Variants in ACYP2 observed in about 807,000 individuals in gnomAD.
The protein encoded by ACYP2 is acylphosphatase 2.
A neutral mutation model predicts 11.2 loss-of-function variants in ACYP2; 12 were observed. The observed-to-expected ratio is 1.08, with a 90% CI of 0.69 to 1.74. The LOEUF (loss-of-function observed/expected upper bound fraction) is 1.74, where lower values mean the gene tolerates loss of function less well. ACYP2 is among the 40% of genes most tolerant of loss of function. The pLI, the probability that ACYP2 is intolerant of heterozygous loss-of-function variation, is 0.00. For missense variants in ACYP2, 134 were observed against 101.9 expected (o/e 1.31, Z -1.35); for synonymous variants, 43 against 32.2 (o/e 1.33, Z -1.13).
chr2:54,141,371 C>T (rs1216785636), intron 6 of ACYP2, among the ~76,000 whole-genome samples: 1 of 152,046 alleles, frequency 6.6e-6, no homozygotes, highest in East Asian at 1.9e-4. Context: ...CCCAGGTTTT[C>T]TTCTAACTTG....
intron 4 of ACYP2, among the ~76,000 whole-genome samples, chr2:54,098,934 C>T (rs1236092213): frequency 6.6e-6 from 1 of 152,006 alleles, no homozygotes; most frequent in East Asian, 1.9e-4. Context: ...TGCTATGTTG[C>T]CCAGGCTTGG....
intron 6 of ACYP2, among the ~76,000 whole-genome samples, chr2:54,248,180 G>C (rs1430031277): frequency 6.6e-6 from 1 of 152,168 alleles, no homozygotes; most frequent in Non-Finnish European, 1.5e-5. Context: ...TACTTAGAAG[G>C]ATTTGACTGA....
intron 6 of ACYP2, among the ~76,000 whole-genome samples, chr2:54,235,778 T>C (rs1003158465): frequency 6.6e-6 from 1 of 152,190 alleles, no homozygotes; most frequent in Non-Finnish European, 1.5e-5. Context: ...ACTTTTTAAT[T>C]GACTGTATGC....
chr2:53,978,240 T>A lies in ACYP2; in HGVS notation c.62+4430T>A, dbSNP rs1017373091. Among the ~76,000 whole-genome samples, 12 of 147,712 alleles carry A rather than the reference T, an allele frequency of 8.1e-5. 1 individual carries two copies. The highest frequency in any genetic ancestry group is 3.0e-4 in the African/African-American group (12 of 39,964). On this transcript the variant is annotated intron_variant, in intron 2 of 6. Coordinates refer to ENST00000607452, the MANE Select transcript of ACYP2 (RefSeq NM_001320586.2). ...TCGTGCCACTGCACTCCAGCCTGGGTGACAGAGTGAGACTCCATCTCAAAA... is the reference window on the plus strand; with the variant it reads ...TCGTGCCACTGCACTCCAGCCTGGGAGACAGAGTGAGACTCCATCTCAAAA...
chr2:53,980,297 G>T (rs537097771), intron 2 of ACYP2, among the ~76,000 whole-genome samples: 1 of 152,080 alleles, frequency 6.6e-6, no homozygotes, highest in East Asian at 1.9e-4. Context: ...AAGCTGTAGT[G>T]AGCCAGGATC....
At chr2:54,125,012 C>T (rs964303488) in intron 4 of ACYP2, among the ~76,000 whole-genome samples, 2 of 152,110 alleles carry the variant, frequency 1.3e-5, no homozygotes, top group African/African-American at 4.8e-5. Flanking sequence ...CTTGTCTTCC[C>T]AAAGTGCTGG....
At chr2:54,071,584 G>C (rs781099732) in intron 4 of ACYP2, among the ~76,000 whole-genome samples, 22 of 152,114 alleles carry the variant, frequency 1.4e-4, no homozygotes, top group South Asian at 6.2e-4. Flanking sequence ...TGCCACCTCG[G>C]CCTTCTGAGT....
At position 54,194,850 on chromosome 2, in the gene ACYP2, G is replaced by T. The variant is rs537529533; in HGVS notation, c.404+56102G>T. Among the ~76,000 whole-genome samples the T allele has an allele frequency of 3.2e-4, 48 of 152,190 alleles. 1 individual carries two copies. The South Asian group carries it at 9.5e-3, about 30-fold the overall frequency. ...TCTTACAATGCTATCCACATAGTAGGCTGTCACTTGACTGTATATTACTAG... is the reference window on the plus strand; with the variant it reads ...TCTTACAATGCTATCCACATAGTAGTCTGTCACTTGACTGTATATTACTAG... On this transcript the variant is annotated intron_variant, in intron 6 of 6. Transcript: ENST00000607452.
intron 6 of ACYP2, among the ~76,000 whole-genome samples, chr2:54,265,928 C>T (rs919697527): frequency 2.6e-5 from 4 of 152,124 alleles, no homozygotes; most frequent in African/African-American, 7.2e-5. Context: ...ACTCAGCATC[C>T]TGAAAATAGA....
At chr2:54,199,530 T>C (rs573240320) in intron 6 of ACYP2, among the ~76,000 whole-genome samples, 4 of 152,182 alleles carry the variant, frequency 2.6e-5, no homozygotes, top group Non-Finnish European at 5.9e-5. Context: ...GAGACTTGGC[T>C]GGTACAAGTG....
At chr2:54,230,776 C>G (rs1485290380) in intron 6 of ACYP2, among the ~76,000 whole-genome samples, 2 of 151,798 alleles carry the variant, frequency 1.3e-5, no homozygotes, top group Non-Finnish European at 2.9e-5. Flanking sequence ...CCTGGAAGCC[C>G]CGCTTTGAGT....
chr2:53,983,686 C>T (rs1220250640), intron 2 of ACYP2, among the ~76,000 whole-genome samples: 2 of 151,984 alleles, frequency 1.3e-5, no homozygotes, highest in Non-Finnish European at 1.5e-5. Flanking sequence ...GGATTTTTTC[C>T]GAAAAGCTGC....
chr2:54,238,013 A>C (rs1294262714), intron 6 of ACYP2, among the ~76,000 whole-genome samples: 1 of 152,104 alleles, frequency 6.6e-6, no homozygotes, highest in Non-Finnish European at 1.5e-5. Flanking sequence ...AGATTTTTAA[A>C]AATATTGCTT....
intron 6 of ACYP2, among the ~76,000 whole-genome samples, chr2:54,201,588 TTCTTTC>T (rs1358964336): frequency 1.1e-5 from 1 of 90,058 alleles, no homozygotes; most frequent in African/African-American, 4.1e-5. Flanking sequence ...TTCTTTTTCT[TTCTTTC>T]TCTTTCTTTC....
At chr2:54,108,280 C>T (rs1679274927) in intron 4 of ACYP2, among the ~76,000 whole-genome samples, 1 of 152,204 alleles carries the variant, frequency 6.6e-6, no homozygotes, top group African/African-American at 2.4e-5. Flanking sequence ...CTTTAAACTT[C>T]CCAGCCCTAC....
At chr2:54,051,312 C>T in intron 3 of ACYP2, 1 of 765,390 alleles carries the variant, frequency 1.3e-6, no homozygotes, top group Non-Finnish European at 2.4e-6. Flanking sequence ...CCAGATGCTT[C>T]AGTCAACTTC....
At chr2:54,187,428 G>A (rs1684060405) in intron 6 of ACYP2, among the ~76,000 whole-genome samples, 1 of 152,180 alleles carries the variant, frequency 6.6e-6, no homozygotes, top group African/African-American at 2.4e-5. Flanking sequence ...ATGTCTACGT[G>A]GATGGCCTGA....
intron 6 of ACYP2, 104 bp from the exon 4 acceptor site, chr2:54,304,584 A>T: frequency 3.0e-6 from 2 of 673,572 alleles, no homozygotes; most frequent in Non-Finnish European, 5.0e-6. Flanking sequence ...TGCAAAAATT[A>T]CTTAGTAAAG....
intron 6 of ACYP2, among the ~76,000 whole-genome samples, chr2:54,167,207 T>A (rs1012000397): frequency 5.3e-5 from 8 of 152,208 alleles, no homozygotes; most frequent in African/African-American, 1.9e-4. Context: ...CAAAGTGTTT[T>A]TGGATCTTGA....
Sources: gnomAD v4.1 joint callset for allele counts (sites outside exome capture counted in the v4.1 genomes callset) on GRCh38, gnomAD v4.1.1 for gene constraint, MANE v1.5 for transcripts, NCBI Gene and HGNC (gene_info 2026-07-23, HGNC 2026-07-21) for gene names.